Variants in HDAC9 observed in about 807,000 individuals in gnomAD.
HDAC9 encodes histone deacetylase 9.
HDAC9 carries 41 observed loss-of-function variants against 139.4 expected under a neutral mutation model. The observed-to-expected ratio is 0.29, with a 90% CI of 0.23 to 0.38. HDAC9 has a LOEUF of 0.38. HDAC9 is among the 10% of genes least tolerant of loss of function. HDAC9 has a pLI of 1.00. For missense variants in HDAC9, 1,147 were observed against 1,297.0 expected, an observed-to-expected ratio of 0.88 and a Z score of 1.78; for synonymous variants, 517 against 476.2, an observed-to-expected ratio of 1.09 and a Z score of -1.12.
intron 14 of HDAC9, among the ~76,000 whole-genome samples, chr7:18,750,238 T>C (rs1004501498): frequency 6.6e-6 from 1 of 152,198 alleles, no homozygotes; most frequent in Non-Finnish European, 1.5e-5. Context: ...TTCAGTTTGT[T>C]CATTTCTATG....
intron 4 of HDAC9, among the ~76,000 whole-genome samples, chr7:18,591,312 G>A (rs1830870502): frequency 1.3e-5 from 2 of 152,108 alleles, no homozygotes; most frequent in African/African-American, 4.8e-5. Flanking sequence ...TATTTATAAA[G>A]CATTACTGTA....
intron 1 of HDAC9, among the ~76,000 whole-genome samples, chr7:18,389,993 C>G (rs1239184211): frequency 1.3e-5 from 2 of 148,152 alleles, no homozygotes; most frequent in Non-Finnish European, 3.0e-5. Flanking sequence ...TGTAGTTGTT[C>G]TGAAAAAATA....
intron 11 of HDAC9, among the ~76,000 whole-genome samples, chr7:18,662,599 C>A (rs801520): frequency 0.19 from 28,731 of 151,698 alleles, 3,931 homozygotes; most frequent in African/African-American, 0.39. Context: ...TCACTCATTG[C>A]AACAGCAGGA....
At chr7:18,596,626 A>G (rs758203881) in intron 6 of HDAC9, among the ~76,000 whole-genome samples, 30 of 152,286 alleles carry the variant, frequency 2.0e-4, no homozygotes, top group Non-Finnish European at 3.5e-4. Context: ...GTAAAGCTAC[A>G]TCATACTAAA....
At chr7:18,405,119 A>G (rs374575956) in intron 1 of HDAC9, among the ~76,000 whole-genome samples, 1 of 152,212 alleles carries the variant, frequency 6.6e-6, no homozygotes, top group Non-Finnish European at 1.5e-5. Context: ...CTCCATATAG[A>G]TAGTGGCCCC....
At chr7:18,729,301 A>G (rs113895674) in intron 13 of HDAC9, among the ~76,000 whole-genome samples, 2,115 of 151,492 alleles carry the variant, frequency 0.014, 49 homozygotes, top group African/African-American at 0.048. Flanking sequence ...ATAATATTAA[A>G]AATTAAAAAT....
chr7:18,414,584 A>C (rs1252822740), intron 1 of HDAC9, among the ~76,000 whole-genome samples: 1 of 152,212 alleles, frequency 6.6e-6, no homozygotes, highest in African/African-American at 2.4e-5. Flanking sequence ...ATAAATTATA[A>C]GTAAACAAGT....
intron 25 of HDAC9, among the ~76,000 whole-genome samples, chr7:18,990,357 C>T (rs1785784487): frequency 6.6e-6 from 1 of 152,170 alleles, no homozygotes. Context: ...AGTTAGGCTG[C>T]TCGTGGGTCA....
chr7:18,130,138 G>A (rs985057411), intron 1 of HDAC9, among the ~76,000 whole-genome samples: 2 of 152,122 alleles, frequency 1.3e-5, no homozygotes, highest in Non-Finnish European at 2.9e-5. Flanking sequence ...ATATATACCA[G>A]TTGAGCAGCC....
At chr7:18,262,164 G>A (rs1795723559) in intron 2 of HDAC9, among the ~76,000 whole-genome samples, 1 of 152,118 alleles carries the variant, frequency 6.6e-6, no homozygotes, top group Non-Finnish European at 1.5e-5. Flanking sequence ...GTAACCCAAA[G>A]CAAAGTTTAC....
At chr7:18,377,925 G>A (rs1410122935) in intron 1 of HDAC9, among the ~76,000 whole-genome samples, 1 of 152,062 alleles carries the variant, frequency 6.6e-6, no homozygotes, top group African/African-American at 2.4e-5. Context: ...ACAAGAAAAT[G>A]GTTTAATTTT....
At chr7:18,694,222 A>C (rs563390753) in intron 12 of HDAC9, among the ~76,000 whole-genome samples, 1 of 152,294 alleles carries the variant, frequency 6.6e-6, no homozygotes, top group African/African-American at 2.4e-5. Context: ...ACCAGTAGAC[A>C]GAAACTCCAT....
At chr7:18,276,934 C>G (rs1487751213) in intron 2 of HDAC9, among the ~76,000 whole-genome samples, 1 of 152,004 alleles carries the variant, frequency 6.6e-6, no homozygotes, top group Non-Finnish European at 1.5e-5. Context: ...TTATCCTTAT[C>G]ATTTTTTCTA....
intron 1 of HDAC9, among the ~76,000 whole-genome samples, chr7:18,391,805 C>A (rs1337681332): frequency 2.6e-5 from 4 of 152,172 alleles, no homozygotes; most frequent in Non-Finnish European, 5.9e-5. Context: ...CTGGTTTCTT[C>A]TTCTGTCAAA....
intron 2 of HDAC9, among the ~76,000 whole-genome samples, chr7:18,539,034 C>A (rs1161164697): frequency 1.3e-5 from 2 of 152,096 alleles, no homozygotes; most frequent in Non-Finnish European, 2.9e-5. Context: ...GGCCTCTACC[C>A]TGATGACCTT....
intron 1 of HDAC9, among the ~76,000 whole-genome samples, chr7:18,358,124 G>A (rs1000862468): frequency 1.9e-4 from 29 of 152,160 alleles, no homozygotes; most frequent in Non-Finnish European, 2.8e-4. Context: ...CGGAGGCAGA[G>A]GTTGCAGTGA....
chr7:18,972,473 C>T (rs1333542107), intron 24 of HDAC9, among the ~76,000 whole-genome samples: 3 of 149,110 alleles, frequency 2.0e-5, no homozygotes, highest in East Asian at 2.0e-4. Flanking sequence ...TTGGGCCTCC[C>T]GGGTTCAAAG....
At chr7:18,182,923 G>C (rs1264049217) in intron 2 of HDAC9, among the ~76,000 whole-genome samples, 1 of 151,956 alleles carries the variant, frequency 6.6e-6, no homozygotes, top group African/African-American at 2.4e-5. Context: ...AAGAAAGAGA[G>C]AAGAGTAGAG....
At chr7:18,883,724 A>T (rs1799908861) in intron 22 of HDAC9, among the ~76,000 whole-genome samples, 1 of 152,160 alleles carries the variant, frequency 6.6e-6, no homozygotes, top group African/African-American at 2.4e-5. Context: ...AGGGCATCCA[A>T]ATTGGAAAGG....
Sources: gnomAD v4.1 joint callset for allele counts (sites outside exome capture counted in the v4.1 genomes callset) on GRCh38, gnomAD v4.1.1 for gene constraint, MANE v1.5 for transcripts, NCBI Gene and HGNC (gene_info 2026-07-23, HGNC 2026-07-21) for gene names.